Variants in ZDHHC15 observed in about 807,000 individuals in gnomAD.
The protein encoded by ZDHHC15 is zDHHC palmitoyltransferase 15.
In ZDHHC15, 19 loss-of-function variants were observed where a neutral mutation model predicts 31.7. The observed-to-expected ratio is 0.60, with a 90% CI of 0.42 to 0.88. The LOEUF (loss-of-function observed/expected upper bound fraction) is 0.88. Among genes scored for constraint, ZDHHC15 ranks in the 40% least tolerant of loss-of-function variants. The pLI, the probability that ZDHHC15 is intolerant of heterozygous loss-of-function variation, is 0.00. For synonymous variants in ZDHHC15, 103 were observed against 90.0 expected, an observed-to-expected ratio of 1.14 and a Z score of -0.82; for missense variants, 209 against 251.2, an observed-to-expected ratio of 0.83 and a Z score of 1.14.
chrX:75,386,668 G>C (rs1434875588), intron 10 of ZDHHC15, among the ~76,000 whole-genome samples: 1 of 111,605 alleles, frequency 9.0e-6, no homozygotes, highest in African/African-American at 3.3e-5. Context: ...ATAGAGAAGA[G>C]GTTTCACTAT....
intron 10 of ZDHHC15, 59 bp from the exon 11 acceptor site, chrX:75,379,257 T>A: frequency 8.7e-7 from 1 of 1,143,856 alleles, no homozygotes; most frequent in Non-Finnish European, 1.2e-6. Flanking sequence ...GGGTGGGTAT[T>A]CATTCACTGG....
intron 2 of ZDHHC15, among the ~76,000 whole-genome samples, chrX:75,503,138 A>C (rs981551202): frequency 9.0e-6 from 1 of 110,653 alleles, no homozygotes; most frequent in African/African-American, 3.3e-5. Context: ...TATCCAAAAA[A>C]ATTAAAAAAT....
At chrX:75,492,191 T>A (rs1183264401) in intron 2 of ZDHHC15, among the ~76,000 whole-genome samples, 1 of 111,234 alleles carries the variant, frequency 9.0e-6, no homozygotes, top group Non-Finnish European at 1.9e-5. Flanking sequence ...AGAAGGACAT[T>A]AGATAATGGT....
chrX:75,452,604 T>C (rs1332823879), intron 3 of ZDHHC15, among the ~76,000 whole-genome samples: 1 of 111,433 alleles, frequency 9.0e-6, no homozygotes, highest in Non-Finnish European at 1.9e-5. Context: ...CAGCACCACA[T>C]CGCACTTATT....
At chrX:75,438,949 T>C (rs889298405) in intron 4 of ZDHHC15, among the ~76,000 whole-genome samples, 1 of 111,825 alleles carries the variant, frequency 8.9e-6, no homozygotes, top group Non-Finnish European at 1.9e-5. Flanking sequence ...TCTTGGCTGG[T>C]AATTATTTTC....
intron 3 of ZDHHC15, among the ~76,000 whole-genome samples, chrX:75,477,122 C>T (rs990112545): frequency 2.7e-5 from 3 of 111,137 alleles, no homozygotes; most frequent in African/African-American, 9.8e-5. Flanking sequence ...CTTATGCTGT[C>T]TTATTTGATT....
At position 75,407,394 on chromosome X, in the gene ZDHHC15, TG is replaced by T. The variant is rs377454138; in HGVS notation, c.967+9692del. On this transcript the variant is annotated intron_variant, in intron 10 of 11. Transcript: ENST00000373367. ...CCTGGCAGCCGCCCCGTCCAGGAGG[TG>T]GGGGGCAGCCCCCACCCAGCCAGCT... Among the ~76,000 whole-genome samples, 574 of 105,506 alleles carry T rather than the reference TG, an allele frequency of 5.4e-3. 2 individuals carry two copies. The highest frequency in any genetic ancestry group is 0.019 in the African/African-American group (547 of 28,299). The allele number at this position is 105,506 out of a possible 115,157, so 91.6% of individuals were successfully genotyped here.
rs1249762578 is a variant in ZDHHC15, at chrX:75,368,502, A to C, written c.*4476T>G. ...CATTTGTCAATATTTCTGCACCAAG[A>C]CACATGGTTTTAAGAATACTATATA... On this transcript the variant is annotated 3_prime_UTR_variant, in exon 12 of 12. Coordinates refer to ENST00000373367, the MANE Select transcript of ZDHHC15 (RefSeq NM_144969.3). 8.9e-6 allele frequency: 1 copy of C among 111,860 alleles called. No individual in the cohort carries two copies. Among genetic ancestry groups the C allele is most frequent in the African/African-American group, 3.3e-5 (1 of 30,758 alleles). The allele number at this position is 111,860 out of a possible 1,213,427, so 9.2% of individuals were successfully genotyped here.
intron 3 of ZDHHC15, among the ~76,000 whole-genome samples, chrX:75,462,131 T>C (rs2084326727): frequency 1.8e-5 from 2 of 111,734 alleles, no homozygotes; most frequent in South Asian, 7.4e-4. Flanking sequence ...GTTACAATCC[T>C]AGTTTCTAAC....
intron 3 of ZDHHC15, among the ~76,000 whole-genome samples, chrX:75,467,927 C>G (rs892099675): frequency 9.0e-6 from 1 of 111,676 alleles, no homozygotes; most frequent in Non-Finnish European, 1.9e-5. Context: ...ATCCCCAGAG[C>G]CTGGGAACTA....
At chrX:75,386,603 G>C (rs1461999275) in intron 10 of ZDHHC15, among the ~76,000 whole-genome samples, 1 of 110,496 alleles carries the variant, frequency 9.1e-6, no homozygotes, top group Admixed American at 9.6e-5. Context: ...AGCCTCCTGA[G>C]TAGCTGGGAC....
intron 3 of ZDHHC15, among the ~76,000 whole-genome samples, chrX:75,473,112 G>A (rs139830193): frequency 7.2e-5 from 8 of 111,653 alleles, no homozygotes; most frequent in Admixed American, 1.9e-4. Flanking sequence ...CTCACTTTAC[G>A]GCTAAAGACG....
At chrX:75,495,505 A>C (rs2084978814) in intron 2 of ZDHHC15, among the ~76,000 whole-genome samples, 1 of 111,025 alleles carries the variant, frequency 9.0e-6, no homozygotes, top group African/African-American at 3.3e-5. Context: ...GGCACTATTC[A>C]CAACAGCAAA....
chrX:75,502,161 G>A (rs1376913833), intron 2 of ZDHHC15: 6 of 111,680 alleles, frequency 5.4e-5, no homozygotes, highest in Non-Finnish European at 1.1e-4. Context: ...GTGTCAGCAG[G>A]ATTGGCCATT....
At chrX:75,425,995 C>A (rs922079117) in intron 7 of ZDHHC15, among the ~76,000 whole-genome samples, 2 of 111,359 alleles carry the variant, frequency 1.8e-5, no homozygotes, top group African/African-American at 6.5e-5. Context: ...CAGAGCAGCC[C>A]AGCAAAGAGC....
At chrX:75,392,154 C>G (rs1454809866) in intron 10 of ZDHHC15, among the ~76,000 whole-genome samples, 1 of 112,093 alleles carries the variant, frequency 8.9e-6, no homozygotes, top group African/African-American at 3.2e-5. Context: ...CACATGATCA[C>G]AAGGTCTCAA....
intron 10 of ZDHHC15, among the ~76,000 whole-genome samples, chrX:75,409,282 G>A (rs186589687): frequency 4.0e-4 from 44 of 109,916 alleles, no homozygotes; most frequent in South Asian, 1.6e-3. Context: ...ACTTGAGGCC[G>A]GGAGTTTGAG....
At chrX:75,381,867 T>A (rs1394942974) in intron 10 of ZDHHC15, among the ~76,000 whole-genome samples, 1 of 111,421 alleles carries the variant, frequency 9.0e-6, no homozygotes, top group Non-Finnish European at 1.9e-5. Flanking sequence ...AATAGCCCAC[T>A]TTCCTGGAAT....
At chrX:75,390,522 T>C (rs1003560292) in intron 10 of ZDHHC15, among the ~76,000 whole-genome samples, 3 of 111,500 alleles carry the variant, frequency 2.7e-5, no homozygotes, top group African/African-American at 9.8e-5. Flanking sequence ...ACTTTGTTTG[T>C]TTGGGGGAAA....
Sources: allele counts gnomAD v4.1 joint callset (sites outside exome capture counted in the v4.1 genomes callset), GRCh38; gene constraint gnomAD v4.1.1; transcripts MANE v1.5; gene names NCBI Gene and HGNC (gene_info 2026-07-23, HGNC 2026-07-21).